Variants in CDH13 observed in about 807,000 individuals in gnomAD.
The protein encoded by CDH13 is cadherin-13.
In CDH13, 24 loss-of-function variants were observed where a neutral mutation model predicts 63.8. The ratio of observed to expected loss-of-function variants is 0.38; its 90% CI spans 0.27 to 0.53. The LOEUF is 0.53. Among genes scored for constraint, CDH13 ranks in the 20% least tolerant of loss-of-function variants. The pLI is 0.85. For missense variants in CDH13, 1,049 were observed against 903.1 expected, an observed-to-expected ratio of 1.16 and a Z score of -2.07; for synonymous variants, 503 against 355.3, an observed-to-expected ratio of 1.42 and a Z score of -4.67.
At chr16:83,779,753 G>C (rs1451395694) in intron 11 of CDH13, among the ~76,000 whole-genome samples, 1 of 152,154 alleles carries the variant, frequency 6.6e-6, no homozygotes, top group Non-Finnish European at 1.5e-5. Flanking sequence ...AGCTACTTGG[G>C]ATACTGAGGT....
intron 5 of CDH13, among the ~76,000 whole-genome samples, chr16:83,276,944 C>A (rs2089008429): frequency 1.3e-5 from 2 of 152,164 alleles, no homozygotes; most frequent in South Asian, 2.1e-4. Flanking sequence ...CAGGGGAACT[C>A]CCCCTTATAA....
chr16:83,412,997 T>C (rs1045147536), intron 6 of CDH13, among the ~76,000 whole-genome samples: 1 of 152,216 alleles, frequency 6.6e-6, no homozygotes, highest in Non-Finnish European at 1.5e-5. Context: ...ACATAGCTAT[T>C]GTTTTCTTTG....
At chr16:83,388,082 T>C (rs919711477) in intron 6 of CDH13, among the ~76,000 whole-genome samples, 1 of 152,092 alleles carries the variant, frequency 6.6e-6, no homozygotes, top group Non-Finnish European at 1.5e-5. Flanking sequence ...GAATCCGGCA[T>C]TGACACCCTG....
At chr16:83,377,069 T>C (rs1170514043) in intron 6 of CDH13, among the ~76,000 whole-genome samples, 1 of 151,942 alleles carries the variant, frequency 6.6e-6, no homozygotes, top group Non-Finnish European at 1.5e-5. Flanking sequence ...AGAATTAGAC[T>C]CTCCAACCCT....
intron 5 of CDH13, among the ~76,000 whole-genome samples, chr16:83,284,772 T>G (rs2089267068): frequency 6.6e-6 from 1 of 152,116 alleles, no homozygotes; most frequent in Non-Finnish European, 1.5e-5. Flanking sequence ...AAAATAGTGT[T>G]AATATAATAC....
At chr16:82,689,250 A>G (rs530624931) in intron 1 of CDH13, among the ~76,000 whole-genome samples, 1 of 152,078 alleles carries the variant, frequency 6.6e-6, no homozygotes, top group East Asian at 1.9e-4. Context: ...TATCTGAATT[A>G]GAAATGGGCC....
intron 6 of CDH13, among the ~76,000 whole-genome samples, chr16:83,479,393 G>T (rs374381178): frequency 6.6e-6 from 1 of 152,140 alleles, no homozygotes; most frequent in African/African-American, 2.4e-5. Flanking sequence ...TCAGCTGGGC[G>T]CGGTGGTTCA....
intron 3 of CDH13, among the ~76,000 whole-genome samples, chr16:83,070,871 AT>A (rs2032381051): frequency 7.5e-6 from 1 of 132,850 alleles, no homozygotes; most frequent in Non-Finnish European, 1.6e-5. Flanking sequence ...CCCCCCCCAA[AT>A]ATCAATGACC....
intron 7 of CDH13, among the ~76,000 whole-genome samples, chr16:83,507,056 C>T (rs2074414054): frequency 1.3e-5 from 2 of 152,218 alleles, no homozygotes; most frequent in African/African-American, 4.8e-5. Flanking sequence ...AACTAATACA[C>T]ATAGTCTGTT....
intron 1 of CDH13, chr16:82,825,670 C>G (rs1396470597): frequency 6.6e-6 from 1 of 151,758 alleles, no homozygotes; most frequent in African/African-American, 2.4e-5. Flanking sequence ...CTCAGCCTCC[C>G]AAATAGCTGG....
chr16:83,440,886 C>G (rs569034985), intron 6 of CDH13, among the ~76,000 whole-genome samples: 1 of 151,800 alleles, frequency 6.6e-6, no homozygotes, highest in East Asian at 1.9e-4. Flanking sequence ...GTTTGCCAAG[C>G]GAAGAAAAGA....
intron 8 of CDH13, among the ~76,000 whole-genome samples, chr16:83,636,570 G>A (rs1403680726): frequency 5.3e-5 from 8 of 152,120 alleles, no homozygotes; most frequent in Non-Finnish European, 1.2e-4. Context: ...TAAGACAAAA[G>A]CCTCCAGCTC....
chr16:82,855,933 G>T (rs1460755844), intron 1 of CDH13, among the ~76,000 whole-genome samples: 1 of 152,150 alleles, frequency 6.6e-6, no homozygotes, highest in Non-Finnish European at 1.5e-5. Flanking sequence ...GAGTTCTCTG[G>T]TGGGGATGAT....
rs546455320 is a variant in CDH13, at chr16:82,788,979, C to G, written c.46-69383C>G. On this transcript the variant is annotated intron_variant, in intron 1 of 13. Transcript: ENST00000567109. ...TTCCGGGCTGAATCCCCTACTAGGC[C>G]GTTAGTCAATTGTATGTTTCCTTTT... Among the ~76,000 whole-genome samples, 25 of 152,282 alleles carry G rather than the reference C, an allele frequency of 1.6e-4. No individual in the cohort carries two copies. The South Asian group carries it at 5.2e-3, about 32-fold the overall frequency.
At chr16:82,757,101 A>T (rs1313327419) in intron 1 of CDH13, among the ~76,000 whole-genome samples, 2 of 151,932 alleles carry the variant, frequency 1.3e-5, no homozygotes, top group Non-Finnish European at 2.9e-5. Context: ...CTCTCTTCCC[A>T]CACAACTCTT....
chr16:82,827,280 T>A (rs2038300497), intron 1 of CDH13, among the ~76,000 whole-genome samples: 1 of 152,220 alleles, frequency 6.6e-6, no homozygotes, highest in African/African-American at 2.4e-5. Flanking sequence ...TGTCTTCATC[T>A]TTACTATTTT....
chr16:82,839,818 G>A (rs959926230), intron 1 of CDH13, among the ~76,000 whole-genome samples: 3 of 152,192 alleles, frequency 2.0e-5, no homozygotes, highest in African/African-American at 7.2e-5. Flanking sequence ...TTTTGAAGAT[G>A]ATCCCTTTTC....
chr16:83,329,326 A>G (rs560335510), intron 5 of CDH13, among the ~76,000 whole-genome samples: 1 of 152,206 alleles, frequency 6.6e-6, no homozygotes, highest in African/African-American at 2.4e-5. Flanking sequence ...GCTAGGTTCA[A>G]GTGATTCTCC....
At chr16:82,769,557 C>A (rs531872247) in intron 1 of CDH13, among the ~76,000 whole-genome samples, 7 of 152,248 alleles carry the variant, frequency 4.6e-5, no homozygotes, top group Non-Finnish European at 1.0e-4. Flanking sequence ...CATTAGTGGC[C>A]ATTGACGTTT....
Sources: gnomAD v4.1 joint callset for allele counts (sites outside exome capture counted in the v4.1 genomes callset) on GRCh38, gnomAD v4.1.1 for gene constraint, MANE v1.5 for transcripts, NCBI Gene and HGNC (gene_info 2026-07-23, HGNC 2026-07-21) for gene names.